CNTLN: variants seen among roughly 807,000 people sequenced by gnomAD.
CNTLN encodes the protein centlein, centrosomal protein.
A neutral mutation model predicts 180.0 loss-of-function variants in CNTLN; 212 were observed. That is an observed-to-expected ratio of 1.18 (90% CI 1.05 to 1.32). CNTLN has a LOEUF of 1.32. Ranked by LOEUF, CNTLN falls within the 40% of genes most tolerant of loss-of-function variation. The pLI is 0.00. For synonymous variants in CNTLN, 722 were observed against 563.1 expected, an observed-to-expected ratio of 1.28 and a Z score of -3.99; for missense variants, 2,095 against 1,610.9, an observed-to-expected ratio of 1.30 and a Z score of -5.14.
chr9:17,395,491 C>G (rs1336323729), intron 15 of CNTLN, among the ~76,000 whole-genome samples: 3 of 152,118 alleles, frequency 2.0e-5, no homozygotes, highest in African/African-American at 7.2e-5. Flanking sequence ...AAACAATTTT[C>G]CCCCTTAATT....
At chr9:17,262,696 A>G (rs1280246009) in intron 5 of CNTLN, among the ~76,000 whole-genome samples, 3 of 151,420 alleles carry the variant, frequency 2.0e-5, no homozygotes, top group Non-Finnish European at 4.4e-5. Flanking sequence ...TACCCATGCA[A>G]CAAACCTTCA....
At chr9:17,275,011 A>G (rs1828219369) in intron 6 of CNTLN, among the ~76,000 whole-genome samples, 1 of 152,284 alleles carries the variant, frequency 6.6e-6, no homozygotes, top group Admixed American at 6.5e-5. Flanking sequence ...TATAAACTTT[A>G]TAGATGATAG....
At chr9:17,195,924 T>C (rs991762496) in intron 2 of CNTLN, among the ~76,000 whole-genome samples, 1 of 152,210 alleles carries the variant, frequency 6.6e-6, no homozygotes, top group African/African-American at 2.4e-5. Flanking sequence ...CTTTTGGTGA[T>C]CTACATAAGA....
intron 2 of CNTLN, among the ~76,000 whole-genome samples, chr9:17,155,655 G>T (rs761318600): frequency 6.6e-6 from 1 of 152,158 alleles, no homozygotes. Context: ...TTGCTGCTGT[G>T]CTGGCAGCCA....
chr9:17,235,696 A>G lies in CNTLN; in HGVS notation c.573A>G (p.Val191=), dbSNP rs1362488559. The change falls in exon 4 of 26, where the codon GTA becomes GTG. Residue 191 remains valine, a synonymous_variant. Transcript: ENST00000380647. Reference sequence around the variant, plus strand: ...TGAAACAGGAAATAAATGACCTTGTAAAACGGAAAATTGCAGTAGATGAAG... The same window carrying G: ...TGAAACAGGAAATAAATGACCTTGTGAAACGGAAAATTGCAGTAGATGAAG... The part of the protein sequence containing the change: ...SVLKQEINDL[V]KRKIAVDEEN... 2 of 1,608,622 alleles carry G rather than the reference A, an allele frequency of 1.2e-6. No homozygotes were observed. Among genetic ancestry groups the G allele is most frequent in the Non-Finnish European group, 1.7e-6 (2 of 1,177,678 alleles).
intron 13 of CNTLN, among the ~76,000 whole-genome samples, chr9:17,368,403 C>T (rs918561044): frequency 6.6e-6 from 1 of 152,290 alleles, no homozygotes; most frequent in East Asian, 1.9e-4. Flanking sequence ...TCTGGACCCA[C>T]CCAGGGCTGG....
At chr9:17,279,050 T>A in intron 6 of CNTLN, among the ~76,000 whole-genome samples, 1 of 142,068 alleles carries the variant, frequency 7.0e-6, no homozygotes, top group East Asian at 1.9e-4. Context: ...TTTCTAAAAC[T>A]AAGAACAAAC....
chr9:17,149,202 TTA>T (rs1818666919), intron 2 of CNTLN, among the ~76,000 whole-genome samples: 1 of 152,234 alleles, frequency 6.6e-6, no homozygotes, highest in African/African-American at 2.4e-5. Context: ...CACATTTTCT[TTA>T]TCCAGTCTAT....
At chr9:17,471,541 C>T (rs1832042782) in intron 23 of CNTLN, among the ~76,000 whole-genome samples, 2 of 152,036 alleles carry the variant, frequency 1.3e-5, no homozygotes, top group African/African-American at 4.8e-5. Flanking sequence ...AGGCTGACAT[C>T]AGTTTTTGGA....
At chr9:17,311,617 G>A (rs752338631) in intron 8 of CNTLN, among the ~76,000 whole-genome samples, 18 of 151,596 alleles carry the variant, frequency 1.2e-4, no homozygotes, top group Non-Finnish European at 2.5e-4. Context: ...AGACCATCCG[G>A]GCCAACCTGG....
At chr9:17,492,126 A>C (rs1431405025) in intron 25 of CNTLN, among the ~76,000 whole-genome samples, 2 of 152,092 alleles carry the variant, frequency 1.3e-5, no homozygotes, top group African/African-American at 4.8e-5. Context: ...CTCTACTCAC[A>C]GCCTTGCTGT....
chr9:17,328,961 G>A (rs80027934), intron 8 of CNTLN, among the ~76,000 whole-genome samples: 6,896 of 151,850 alleles, frequency 0.045, 214 homozygotes, highest in South Asian at 0.15. Flanking sequence ...CACTGTTGGA[G>A]CATTGTTAAT....
Position 17,482,946 on chromosome 9 carries a change from T to G in CNTLN, c.3856-1349T>G, listed in dbSNP as rs1477411683. 2.0e-5 allele frequency among the ~76,000 whole-genome samples: 3 copies of G among 152,134 alleles called. No homozygotes were observed. In the South Asian group the frequency reaches 6.2e-4, roughly 31 times the overall value. On this transcript the variant is annotated intron_variant, in intron 23 of 25. Transcript: ENST00000380647. ...TAGCAAAAAAATTGTGGTTTGAAAG[T>G]ATTTTTATATACCTCATTGTGGAGA...
intron 12 of CNTLN, among the ~76,000 whole-genome samples, chr9:17,348,217 C>T (rs924445657): frequency 8.6e-5 from 13 of 151,450 alleles, no homozygotes; most frequent in African/African-American, 2.0e-4. Flanking sequence ...ATTTGAAGTA[C>T]GTTAAAATTG....
At chr9:17,483,220 T>A (rs1052950691) in intron 23 of CNTLN, among the ~76,000 whole-genome samples, 1 of 152,160 alleles carries the variant, frequency 6.6e-6, no homozygotes, top group Non-Finnish European at 1.5e-5. Context: ...TTCTTAAGGC[T>A]GATGCTCAAC....
Position 17,236,597 on chromosome 9 carries a change from TA to T in CNTLN, c.849+10del. The T allele has an allele frequency of 6.3e-7, 1 of 1,594,234 alleles. No individual in the cohort carries two copies. The highest frequency in any genetic ancestry group is 1.4e-5 in the African/African-American group (1 of 73,606). On this transcript the variant is annotated intron_variant, in intron 5 of 25. Coordinates refer to ENST00000380647, the MANE Select transcript of CNTLN (RefSeq NM_017738.4). ...CTGATGCAAAAATAAAGGTATACAA[TA>T]GGAATGGAATCCATACTCCTCTTTT...
intron 2 of CNTLN, among the ~76,000 whole-genome samples, chr9:17,211,778 G>A (rs1029566425): frequency 8.5e-5 from 13 of 152,102 alleles, no homozygotes; most frequent in Non-Finnish European, 2.9e-5. Context: ...CACATCCCTT[G>A]TAAGTTGGAT....
chr9:17,266,403 C>T (rs376397929), intron 5 of CNTLN, among the ~76,000 whole-genome samples: 1 of 152,040 alleles, frequency 6.6e-6, no homozygotes, highest in African/African-American at 2.4e-5. Flanking sequence ...GTCTGAGAGA[C>T]AGTTTGTTAT....
chr9:17,511,807 A>G, the CNTLN span, among the ~76,000 whole-genome samples: 1 of 152,122 alleles, frequency 6.6e-6, no homozygotes, highest in Non-Finnish European at 1.5e-5. Context: ...CTCTAGATAA[A>G]GGGGAGGCTA....
Sources: allele counts gnomAD v4.1 joint callset (sites outside exome capture counted in the v4.1 genomes callset), GRCh38; gene constraint gnomAD v4.1.1; transcripts MANE v1.5; gene names NCBI Gene and HGNC (gene_info 2026-07-23, HGNC 2026-07-21).